PIK3R3: variants seen among roughly 807,000 people sequenced by gnomAD.
PIK3R3 encodes phosphoinositide-3-kinase regulatory subunit 3.
Under a neutral mutation model 62.9 loss-of-function variants are expected in PIK3R3, and 64 were observed. The ratio of observed to expected loss-of-function variants is 1.02; its 90% CI spans 0.83 to 1.25. PIK3R3 has a LOEUF of 1.25. Ranked by LOEUF, PIK3R3 falls within the 50% of genes most tolerant of loss-of-function variation. PIK3R3 has a pLI of 0.00. For synonymous variants in PIK3R3, 165 were observed against 189.0 expected, an observed-to-expected ratio of 0.87 and a Z score of 1.04; for missense variants, 614 against 561.6, an observed-to-expected ratio of 1.09 and a Z score of -0.94.
intron 5 of PIK3R3, among the ~76,000 whole-genome samples, chr1:46,065,436 A>G (rs560062244): frequency 1.3e-5 from 2 of 152,366 alleles, no homozygotes; most frequent in East Asian, 3.9e-4. Context: ...ATTTCCATCC[A>G]TCAGCTCCTT....
chr1:46,167,619 C>T, the PIK3R3 span, among the ~76,000 whole-genome samples: 2 of 152,184 alleles, frequency 1.3e-5, no homozygotes, highest in Admixed American at 1.3e-4. Context: ...ACCAGGTTCC[C>T]CCTACCTGCT....
At chr1:46,066,879 T>C (rs1397144453) in intron 4 of PIK3R3, 32 bp downstream of exon 4, 2 of 1,536,364 alleles carry the variant, frequency 1.3e-6, no homozygotes, top group Non-Finnish European at 1.8e-6. Flanking sequence ...AATCACTTGC[T>C]CAATAGCTAG....
chr1:46,144,146 G>C, the PIK3R3 span, among the ~76,000 whole-genome samples: 1 of 152,166 alleles, frequency 6.6e-6, no homozygotes, highest in Non-Finnish European at 1.5e-5. Context: ...GCTCTTCAGG[G>C]GTTTGGACCT....
chr1:46,129,586 G>C lies in PIK3R3; in HGVS notation c.106+2261C>G, dbSNP rs546274138. Among the ~76,000 whole-genome samples the C allele has an allele frequency of 1.7e-3, 262 of 152,234 alleles. 1 individual carries two copies. The highest frequency in any genetic ancestry group is 6.8e-3 in the Middle Eastern group (2 of 294). On this transcript the variant is annotated intron_variant, in intron 1 of 9. Coordinates refer to ENST00000262741, the MANE Select transcript of PIK3R3 (RefSeq NM_003629.4). Reference sequence around the variant, plus strand: ...GGAGAGCAGTTAGTACGCTATCACAGCAGTCCAGGAAGGAAATAATAAGAG... The same window carrying C: ...GGAGAGCAGTTAGTACGCTATCACACCAGTCCAGGAAGGAAATAATAAGAG...
chr1:46,110,686 C>T lies in PIK3R3; in HGVS notation c.106+21161G>A, dbSNP rs74510853. ...TGTATCTCCAGTGCCAAGTGTTTCA[C>T]ACATAGAAGCCATTCAATAAATATT... On this transcript the variant is annotated intron_variant, in intron 1 of 9. Transcript: ENST00000262741. 3.5e-3 allele frequency among the ~76,000 whole-genome samples: 533 copies of T among 152,124 alleles called. 6 individuals are homozygous for T. Among genetic ancestry groups the T allele is most frequent in the East Asian group, 0.034 (173 of 5,164 alleles).
intron 3 of PIK3R3, among the ~76,000 whole-genome samples, chr1:46,076,580 A>C (rs1427146566): frequency 2.0e-5 from 3 of 152,222 alleles, no homozygotes; most frequent in African/African-American, 7.2e-5. Context: ...TTAGCTCTTT[A>C]CCAGAAACTA....
At chr1:46,062,130 C>G (rs1218787400) in intron 5 of PIK3R3, 59 bp from the exon 6 acceptor site, 2 of 1,480,546 alleles carry the variant, frequency 1.4e-6, no homozygotes, top group East Asian at 4.6e-5. Context: ...TTCTTCTAAC[C>G]TTGGTCTTAA....
At chr1:46,068,918 A>G (rs534993907) in intron 3 of PIK3R3, among the ~76,000 whole-genome samples, 2 of 152,274 alleles carry the variant, frequency 1.3e-5, no homozygotes, top group South Asian at 4.1e-4. Flanking sequence ...TAAAAGATTC[A>G]CTCTAGCTGC....
chr1:46,161,123 A>G, the PIK3R3 span, among the ~76,000 whole-genome samples: 2 of 151,728 alleles, frequency 1.3e-5, no homozygotes, highest in Non-Finnish European at 2.9e-5. Context: ...TTTTTTTGTC[A>G]GGGTCTCACT....
chr1:46,040,385 T>G lies in PIK3R3; in HGVS notation c.*3288A>C, dbSNP rs1272034512. 1.3e-5 allele frequency: 3 copies of G among 231,328 alleles called. No individual in the cohort carries two copies. In the East Asian group the frequency reaches 1.8e-4, roughly 14 times the overall value. 14.3% of individuals were successfully genotyped at this position (231,328 alleles called of 1,614,324 possible). On this transcript the variant is annotated 3_prime_UTR_variant, in exon 10 of 10. Transcript: ENST00000262741. ...ACAGTTGGCTTTCTTGTGAGTCAGA[T>G]ATTTTTACGTAAACTACACGAATTT...
chr1:46,045,617 CTTTTTTTTTTTTTT>C (rs1031388121), intron 9 of PIK3R3, among the ~76,000 whole-genome samples: 1 of 21,204 alleles, frequency 4.7e-5, no homozygotes, highest in African/African-American at 2.2e-4. Flanking sequence ...CAATTAAGTG[CTTTTTTTTTTTTTT>C]TTTTTTTTTT....
rs143139269 is a variant in PIK3R3 at position 46,078,397 on chromosome 1, C to T, written c.216-784G>A. 5.7e-3 allele frequency among the ~76,000 whole-genome samples: 874 copies of T among 152,142 alleles called. 4 individuals carry two copies. Among genetic ancestry groups the T allele is most frequent in the Non-Finnish European group, 6.0e-3 (407 of 68,004 alleles). On this transcript the variant is annotated intron_variant, in intron 2 of 9. Coordinates refer to ENST00000262741, the MANE Select transcript of PIK3R3 (RefSeq NM_003629.4). The stretch of plus-strand genomic sequence containing the variant: ...TACTAAAAATACAAAATTAGCCGGA[C>T]GTGGTGGCAGGGCAAGCGCCTGTAA...
chr1:46,159,993 AT>A, the PIK3R3 span, among the ~76,000 whole-genome samples: 1 of 152,078 alleles, frequency 6.6e-6, no homozygotes, highest in East Asian at 1.9e-4. Context: ...CAAAAACCTC[AT>A]TTTTTTATTC....
chr1:46,103,682 C>T (rs1652922790), intron 1 of PIK3R3, among the ~76,000 whole-genome samples: 1 of 152,024 alleles, frequency 6.6e-6, no homozygotes, highest in Admixed American at 6.5e-5. Flanking sequence ...GCAACCTCCA[C>T]CTCCCAGGTT....
At position 46,042,754 on chromosome 1, in the gene PIK3R3, C is replaced by T. The variant is rs961046225; in HGVS notation, c.*919G>A. 2 of 199,806 alleles carry T rather than the reference C, an allele frequency of 1.0e-5. No homozygotes were observed. The highest frequency in any genetic ancestry group is 4.6e-5 in the African/African-American group (2 of 43,562). The allele number at this position is 199,806 out of a possible 1,614,324, so 12.4% of individuals were successfully genotyped here. A position where few individuals can be genotyped will look rare whatever the true frequency, so the allele number is the denominator to read the frequency against. On this transcript the variant is annotated 3_prime_UTR_variant, in exon 10 of 10. Transcript: ENST00000262741. The surrounding 1 kb of genome is among the most constrained non-coding windows in gnomAD (Gnocchi z 4.3). ...CAAAGGTTTCAAACAACAGATCATT[C>T]TTTAGGCTAAGGAAACACCATACAA...
chr1:46,165,264 C>G, the PIK3R3 span, among the ~76,000 whole-genome samples: 6 of 151,614 alleles, frequency 4.0e-5, no homozygotes, highest in African/African-American at 1.5e-4. Flanking sequence ...GATGCCTTAA[C>G]TCAACCCTCA....
chr1:46,158,319 A>G, the PIK3R3 span, among the ~76,000 whole-genome samples: 17 of 152,268 alleles, frequency 1.1e-4, no homozygotes, highest in East Asian at 3.1e-3. Context: ...ACCTTCCAAC[A>G]TACCATGCTT....
chr1:46,104,925 C>CAAAAAAAAAAAAAAAAAAAAA, intron 1 of PIK3R3: 1 of 192,016 alleles, frequency 5.2e-6, no homozygotes, highest in Admixed American at 7.6e-5. Context: ...AAGACTCCAT[C>CAAAAAAAAAAAAAAAAAAAAA]AAAAAAAAAA....
At chr1:46,140,850 GTTTTTTGT>G in the PIK3R3 span, among the ~76,000 whole-genome samples, 28 of 151,700 alleles carry the variant, frequency 1.8e-4, no homozygotes, top group South Asian at 1.9e-3. Flanking sequence ...TTGTTTTTTT[GTTTTTTGT>G]TTTTTTGTTT....
Sources: gnomAD v4.1 joint callset for allele counts (sites outside exome capture counted in the v4.1 genomes callset) on GRCh38, gnomAD v4.1.1 for gene constraint, Gnocchi (gnomAD v3.1) non-coding constraint, MANE v1.5 for transcripts, NCBI Gene and HGNC (gene_info 2026-07-23, HGNC 2026-07-21) for gene names.